The following CDH12 variants were observed in gnomAD, a reference collection of about 807,000 sequenced individuals.
CDH12 encodes cadherin 12, also known as cadherin-12.
CDH12 carries 41 observed loss-of-function variants against 74.1 expected under a neutral mutation model. The ratio of observed to expected loss-of-function variants is 0.55; its 90% CI spans 0.43 to 0.72. CDH12 has a LOEUF of 0.72. Among genes scored for constraint, CDH12 ranks in the 30% least tolerant of loss-of-function variants. The pLI is 0.00. For synonymous variants in CDH12, 399 were observed against 355.0 expected (o/e 1.12, Z -1.39); for missense variants, 945 against 977.2 (o/e 0.97, Z 0.44).
At chr5:22,333,786 G>A in intron 3 of CDH12, among the ~76,000 whole-genome samples, 1 of 152,264 alleles carries the variant, frequency 6.6e-6, no homozygotes, top group East Asian at 1.9e-4. Flanking sequence ...TATGCATCAT[G>A]AATAAGTTGG....
chr5:22,762,357 C>T (rs1283908068), intron 1 of CDH12, among the ~76,000 whole-genome samples: 1 of 151,964 alleles, frequency 6.6e-6, no homozygotes, highest in African/African-American at 2.4e-5. Flanking sequence ...TTATCTTACA[C>T]ATTTGTTAGT....
At chr5:22,322,349 T>C (rs1390993426) in intron 3 of CDH12, among the ~76,000 whole-genome samples, 1 of 135,896 alleles carries the variant, frequency 7.4e-6, no homozygotes, top group African/African-American at 2.9e-5. Context: ...GTTTCATAAA[T>C]ATATTTCAGC....
At chr5:22,482,481 A>T (rs1746421786) in intron 2 of CDH12, among the ~76,000 whole-genome samples, 1 of 152,126 alleles carries the variant, frequency 6.6e-6, no homozygotes, top group Non-Finnish European at 1.5e-5. Flanking sequence ...CCAGAGAAAA[A>T]CATTCTTGCT....
intron 4 of CDH12, among the ~76,000 whole-genome samples, chr5:22,183,974 T>C (rs1316447200): frequency 6.6e-6 from 1 of 151,268 alleles, no homozygotes; most frequent in African/African-American, 2.4e-5. Flanking sequence ...TGTCCTAATA[T>C]ATGAAGAACG....
intron 1 of CDH12, among the ~76,000 whole-genome samples, chr5:22,567,612 T>G (rs1739350015): frequency 6.7e-6 from 1 of 148,892 alleles, no homozygotes; most frequent in African/African-American, 2.4e-5. Flanking sequence ...TTCTGCTCCA[T>G]TTTGGTCTCT....
intron 3 of CDH12, among the ~76,000 whole-genome samples, chr5:22,380,313 C>A (rs997412241): frequency 6.6e-6 from 1 of 152,144 alleles, no homozygotes; most frequent in African/African-American, 2.4e-5. Flanking sequence ...TTCTGAAAGC[C>A]TTCACATAGG....
intron 3 of CDH12, among the ~76,000 whole-genome samples, chr5:22,339,147 T>C (rs1015350526): frequency 6.6e-6 from 1 of 152,216 alleles, no homozygotes; most frequent in Non-Finnish European, 1.5e-5. Context: ...TTTGTTTTTT[T>C]AAGCCAGTAA....
intron 1 of CDH12, chr5:22,638,967 C>A (rs1738985116): frequency 7.2e-6 from 1 of 138,800 alleles, no homozygotes; most frequent in Non-Finnish European, 1.5e-5. Context: ...AGGAGAATGG[C>A]GTGAACCCGG....
intron 3 of CDH12, among the ~76,000 whole-genome samples, chr5:22,242,496 C>T (rs911814445): frequency 3.3e-5 from 5 of 152,066 alleles, no homozygotes; most frequent in Admixed American, 6.6e-5. Flanking sequence ...AAAATGATGT[C>T]CATATTCTAA....
intron 3 of CDH12, among the ~76,000 whole-genome samples, chr5:22,253,987 C>A (rs1433835515): frequency 6.6e-6 from 1 of 151,818 alleles, no homozygotes. Flanking sequence ...ATTAGGATCA[C>A]AGTCAGAAAT....
At chr5:22,140,817 AC>A (rs768524685) in intron 4 of CDH12, among the ~76,000 whole-genome samples, 6 of 152,036 alleles carry the variant, frequency 3.9e-5, no homozygotes, top group Non-Finnish European at 8.8e-5. Context: ...TGTGAAGTGG[AC>A]ATCTGCATTC....
intron 4 of CDH12, among the ~76,000 whole-genome samples, chr5:22,080,940 C>T (rs563019716): frequency 2.2e-4 from 33 of 151,832 alleles, no homozygotes; most frequent in African/African-American, 6.5e-4. Flanking sequence ...CCACCACACC[C>T]GGCTAATTTT....
intron 1 of CDH12, among the ~76,000 whole-genome samples, chr5:22,666,811 A>G (rs1357269105): frequency 1.3e-5 from 2 of 152,204 alleles, no homozygotes; most frequent in Non-Finnish European, 2.9e-5. Context: ...AGCTGTATAT[A>G]TGTGTATGCA....
chr5:22,255,790 A>T (rs1036467032), intron 3 of CDH12, among the ~76,000 whole-genome samples: 3 of 149,854 alleles, frequency 2.0e-5, no homozygotes, highest in East Asian at 1.9e-4. Context: ...TAAGTTTTTT[A>T]AAAAAATGAT....
chr5:22,247,669 C>T (rs1427561104), intron 3 of CDH12, among the ~76,000 whole-genome samples: 1 of 15,996 alleles, frequency 6.3e-5, no homozygotes, highest in Non-Finnish European at 1.7e-4. Flanking sequence ...AGTGAGACTC[C>T]GTCAAAAAAA....
At chr5:22,062,188 A>G (rs1322535934) in intron 5 of CDH12, among the ~76,000 whole-genome samples, 1 of 152,218 alleles carries the variant, frequency 6.6e-6, no homozygotes, top group Non-Finnish European at 1.5e-5. Flanking sequence ...ATTCAATTAA[A>G]GTAAACACAT....
chr5:21,852,381 C>T (rs969592692), intron 7 of CDH12, among the ~76,000 whole-genome samples: 6 of 151,264 alleles, frequency 4.0e-5, no homozygotes, highest in Admixed American at 2.0e-4. Flanking sequence ...ATAAAAGTTA[C>T]ATTACATATT....
At chr5:21,787,822 GA>G (rs1561185130) in intron 10 of CDH12, among the ~76,000 whole-genome samples, 1 of 152,168 alleles carries the variant, frequency 6.6e-6, no homozygotes, top group African/African-American at 2.4e-5. Context: ...CAAAAGGTCA[GA>G]AAACATAGAG....
intron 1 of CDH12, among the ~76,000 whole-genome samples, chr5:22,793,049 C>T (rs1218665448): frequency 6.6e-6 from 1 of 152,120 alleles, no homozygotes; most frequent in Non-Finnish European, 1.5e-5. Flanking sequence ...CACTTAGGTG[C>T]CTGGCAATCA....
Sources: allele counts gnomAD v4.1 joint callset (sites outside exome capture counted in the v4.1 genomes callset), GRCh38; gene constraint gnomAD v4.1.1; transcripts MANE v1.5; gene names NCBI Gene and HGNC (gene_info 2026-07-23, HGNC 2026-07-21).